PALB2: variants seen among roughly 807,000 people sequenced by gnomAD.
PALB2 encodes partner and localizer of BRCA2, also known as mutant partner and localizer of BRCA2.
PALB2 carries 82 observed loss-of-function variants against 107.4 expected under a neutral mutation model. That is an observed-to-expected ratio of 0.76 (90% CI 0.64 to 0.92). The LOEUF (loss-of-function observed/expected upper bound fraction) is 0.92, where lower values mean the gene tolerates loss of function less well. Among genes scored for constraint, PALB2 ranks in the 40% least tolerant of loss-of-function variants. The probability of loss-of-function intolerance (pLI) is 0.00; values close to 1 mark genes in which losing one functional copy is unlikely to be tolerated. For synonymous variants in PALB2, 489 were observed against 496.8 expected (o/e 0.98, Z 0.21); for missense variants, 1,374 against 1,379.9 (o/e 1.00, Z 0.07).
At position 23,635,181 on chromosome 16, in the gene PALB2, A is replaced by G; in HGVS notation, c.1365T>C (p.Asn455=). 1.9e-6 allele frequency: 3 copies of G among 1,614,164 alleles called. No homozygotes were observed. Among genetic ancestry groups the G allele is most frequent in the Non-Finnish European group, 2.5e-6 (3 of 1,180,028 alleles). ...KDASKNLNLS[N]EETDQSEIRM... ...TAATTTCACTTTGGTCAGTTTCCTC[A>G]TTGGAAAGGTTTAAATTTTTACTTG... The change falls in exon 4 of 13, where the codon AAT becomes AAC. Residue 455 remains asparagine (N), a synonymous_variant. Coordinates refer to ENST00000261584, the MANE Select transcript of PALB2 (RefSeq NM_024675.4).
In PALB2 at chr16:23,623,147, G is replaced by GA. The variant is rs1555459610; in HGVS notation, c.2835-18dup. ...AACAATGCCCTAAGCCAAATATAAG[G>GA]AAAAATGGGGTGATGTGAGGAGTAA... On this transcript the variant is annotated splice_polypyrimidine_tract_variant and intron_variant, in intron 8 of 12. Coordinates refer to ENST00000261584, the MANE Select transcript of PALB2 (RefSeq NM_024675.4). 4 of 1,606,456 alleles carry GA rather than the reference G, an allele frequency of 2.5e-6. No homozygotes were observed. In the Admixed American group the frequency reaches 5.0e-5, roughly 20 times the overall value.
chr16:23,630,498 G>A lies in PALB2; in HGVS notation c.1685-29C>T, dbSNP rs773252502. On this transcript the variant is annotated intron_variant, in intron 4 of 12. Transcript: ENST00000261584. Reference sequence around the variant, plus strand: ...AAGAAGAAAAATAAGTCACAAAATAGTAACAAAACCCAACAAAACAGACAA... The same window carrying A: ...AAGAAGAAAAATAAGTCACAAAATAATAACAAAACCCAACAAAACAGACAA... 42 of 1,530,844 alleles carry A rather than the reference G, an allele frequency of 2.7e-5. No homozygotes were observed. Among genetic ancestry groups the A allele is most frequent in the Non-Finnish European group, 3.6e-5 (40 of 1,115,314 alleles). 94.8% of individuals were successfully genotyped at this position (1,530,844 alleles called of 1,614,324 possible). A position where few individuals can be genotyped will look rare whatever the true frequency, so the allele number is the denominator to read the frequency against.
chr16:23,609,812 G>C (rs546054), intron 11 of PALB2, among the ~76,000 whole-genome samples: 2 of 151,976 alleles, frequency 1.3e-5, no homozygotes, highest in South Asian at 4.1e-4. Flanking sequence ...CACCGCGCCT[G>C]GCCACCCAAC....
chr16:23,638,036 A>G (rs750296674), intron 2 of PALB2, 34 bp downstream of exon 2: 24 of 1,608,054 alleles, frequency 1.5e-5, no homozygotes, highest in Middle Eastern at 1.6e-4. Flanking sequence ...TGTTTGTACT[A>G]TAACACCTTA....
chr16:23,635,231 C>A lies in PALB2; in HGVS notation c.1315G>T (p.Gly439Trp). Residue 439 changes from glycine to tryptophan, a missense_variant, in exon 4 of 13, where the codon GGG becomes TGG. By Grantham distance (184) the Gly-to-Trp change is radical. Transcript: ENST00000261584. ...IQSHLDVKKK[G>W]FKNKNKDASK... ...GCATCCTTATTTTTATTTTTAAACC[C>A]TTTTTTCTTGACATCCAAATGACTC... 1 of 1,614,040 alleles carries A rather than the reference C, an allele frequency of 6.2e-7. No homozygotes were observed. Among genetic ancestry groups the A allele is most frequent in the Non-Finnish European group, 8.5e-7 (1 of 1,180,012 alleles).
chr16:23,634,090 G>A (rs1283928134), intron 4 of PALB2, among the ~76,000 whole-genome samples: 1 of 152,118 alleles, frequency 6.6e-6, no homozygotes, highest in African/African-American at 2.4e-5. Context: ...CCAAAGAATT[G>A]TATTGAACCT....
At chr16:23,607,445 T>C (rs1966497549) in intron 12 of PALB2, 1 of 241,402 alleles carries the variant, frequency 4.1e-6, no homozygotes, top group African/African-American at 2.2e-5. Flanking sequence ...CATGCCAGCA[T>C]GTTTGGCTAA....
At chr16:23,618,556 G>A (rs1174857893) in intron 10 of PALB2, among the ~76,000 whole-genome samples, 1 of 151,978 alleles carries the variant, frequency 6.6e-6, no homozygotes, top group African/African-American at 2.4e-5. Context: ...TGAAGAAAGA[G>A]TATTTACAAT....
chr16:23,619,408 C>T (rs946368516), intron 10 of PALB2, among the ~76,000 whole-genome samples: 2 of 152,022 alleles, frequency 1.3e-5, no homozygotes, highest in East Asian at 1.9e-4. Flanking sequence ...AGTGCAGTGG[C>T]GCGATCTCGG....
intron 11 of PALB2, among the ~76,000 whole-genome samples, chr16:23,610,524 G>A (rs111792275): frequency 0.034 from 5,071 of 151,322 alleles, 119 homozygotes; most frequent in Middle Eastern, 0.089. Flanking sequence ...GGCCAGGATG[G>A]TCTCAATCTC....
intron 9 of PALB2, 93 bp downstream of exon 9, chr16:23,622,875 GA>G: frequency 6.9e-7 from 1 of 1,450,644 alleles, no homozygotes. Flanking sequence ...CCCCAGCACA[GA>G]AAAACGAGAT....
intron 12 of PALB2, among the ~76,000 whole-genome samples, chr16:23,607,649 C>G (rs1379628808): frequency 6.6e-6 from 1 of 152,020 alleles, no homozygotes; most frequent in African/African-American, 2.4e-5. Flanking sequence ...TATTAAAAAC[C>G]TATATAACCC....
At position 23,606,821 on chromosome 16, in the gene PALB2, C is replaced by CTTT. The variant is rs545664784; in HGVS notation, c.3350+1040_3350+1042dup. The stretch of plus-strand genomic sequence containing the variant: ...TACAGGCGTGAGCCACTGCACCCTG[C>CTTT]TTTTTTTTTTTTTTTTTTGAGACGG... On this transcript the variant is annotated intron_variant, in intron 12 of 12. Transcript: ENST00000261584. 1.3e-4 allele frequency among the ~76,000 whole-genome samples: 14 copies of CTTT among 108,536 alleles called. 1 individual carries two copies. Among genetic ancestry groups the CTTT allele is most frequent in the African/African-American group, 3.1e-4 (8 of 25,572 alleles). The allele number at this position is 108,536 out of a possible 152,430, so 71.2% of individuals were successfully genotyped here.
At chr16:23,610,543 G>A (rs1244138237) in intron 11 of PALB2, among the ~76,000 whole-genome samples, 1 of 151,326 alleles carries the variant, frequency 6.6e-6, no homozygotes. Context: ...TCCTGACCTC[G>A]TGATCTGCCC....
intron 7 of PALB2, among the ~76,000 whole-genome samples, chr16:23,625,157 AC>A (rs2142348438): frequency 6.6e-6 from 1 of 152,046 alleles, no homozygotes; most frequent in African/African-American, 2.4e-5. Context: ...ACATGGTAAA[AC>A]CCCATCTCTA....
rs878855115 is a variant in PALB2 at position 23,623,037 on chromosome 16, C to A, written c.2928G>T (p.Arg976Ser). 2 of 1,614,012 alleles carry A rather than the reference C, an allele frequency of 1.2e-6. No homozygotes were observed. Among genetic ancestry groups the A allele is most frequent in the Non-Finnish European group, 1.7e-6 (2 of 1,180,030 alleles). ...IKAVLGLTKR[R>S]LVSSSGTLSD... ...AAAGGGTCCCACTGCTACTAACTAG[C>A]CTCCTCTTTGTCAGGCCAAGCACAG... is the stretch of plus-strand genomic sequence containing the variant. Residue 976 changes from arginine (R) to serine (S), a missense_variant, in exon 9 of 13, where the codon AGG (arginine) becomes AGT (serine). Physicochemically the swap from Arg to Ser is moderately radical, Grantham distance 110 (BLOSUM62 -1). Coordinates refer to ENST00000261584, the MANE Select transcript of PALB2 (RefSeq NM_024675.4).
At position 23,627,769 on chromosome 16, in the gene PALB2, G is replaced by T. The variant is rs1313087088; in HGVS notation, c.2587-1372C>A. On this transcript the variant is annotated intron_variant, in intron 6 of 12. Coordinates refer to ENST00000261584, the MANE Select transcript of PALB2 (RefSeq NM_024675.4). The stretch of plus-strand genomic sequence containing the variant: ...GTTTGTTTGGAAGACCCACGTAATG[G>T]CCAACTCTCGAGTCTAATGTAGAAA... Among the ~76,000 whole-genome samples the T allele has an allele frequency of 2.0e-5, 3 of 152,128 alleles. No homozygotes were observed. In the East Asian group the frequency reaches 5.8e-4, roughly 29 times the overall value.
rs201817103 is a variant in PALB2 at position 23,624,012 on chromosome 16, A to C, written c.2831T>G (p.Ile944Ser). The C allele has an allele frequency of 6.3e-7, 1 of 1,577,962 alleles. No homozygotes were observed. Among genetic ancestry groups the C allele is most frequent in the African/African-American group, 1.3e-5 (1 of 74,214 alleles). ...TCACTCCTTGGGAATTACATACCTG[A>C]TCTCTCTGATTTCCAAATTTCCCAA... The part of the protein sequence containing the change: ...VALGNLEIRE[I>S]RALFCSSDDE... The change falls in exon 8 of 13, where the codon ATC becomes AGC. Residue 944 changes from isoleucine to serine, a missense_variant. Ile to Ser is a moderately radical substitution (Grantham distance 142). Coordinates refer to ENST00000261584, the MANE Select transcript of PALB2 (RefSeq NM_024675.4).
At chr16:23,605,327 C>T (rs1456270796) in intron 12 of PALB2, among the ~76,000 whole-genome samples, 7 of 152,130 alleles carry the variant, frequency 4.6e-5, no homozygotes, top group Admixed American at 4.6e-4. Flanking sequence ...ACAGTGCAAG[C>T]TTCATGTATT....
Sources: allele counts gnomAD v4.1 joint callset (sites outside exome capture counted in the v4.1 genomes callset), GRCh38; gene constraint gnomAD v4.1.1; transcripts MANE v1.5; gene names NCBI Gene and HGNC (gene_info 2026-07-23, HGNC 2026-07-21).